Variants in GMDS observed in about 807,000 individuals in gnomAD.
GMDS encodes the protein GDP-mannose 4,6 dehydratase.
A neutral mutation model predicts 49.9 loss-of-function variants in GMDS; 20 were observed. The ratio of observed to expected loss-of-function variants is 0.40; its 90% confidence interval spans 0.28 to 0.58. The LOEUF is 0.58. Among genes scored for constraint, GMDS ranks in the 20% least tolerant of loss-of-function variants. The pLI, the probability that GMDS is intolerant of heterozygous loss-of-function variation, is 0.42. For missense variants in GMDS, 362 were observed against 481.4 expected, an observed-to-expected ratio of 0.75 and a Z score of 2.32; for synonymous variants, 177 against 178.6, an observed-to-expected ratio of 0.99 and a Z score of 0.07.
At chr6:2,141,990 G>A (rs563002406) in intron 1 of GMDS, among the ~76,000 whole-genome samples, 3 of 151,886 alleles carry the variant, frequency 2.0e-5, no homozygotes, top group South Asian at 2.1e-4. Context: ...ACTGGTTGCC[G>A]GCTTATCCAT....
chr6:1,800,378 G>C (rs934408169), intron 7 of GMDS, among the ~76,000 whole-genome samples: 2 of 152,076 alleles, frequency 1.3e-5, no homozygotes, highest in African/African-American at 2.4e-5. Flanking sequence ...TTCTCAGGAG[G>C]GTTAGACATC....
At chr6:1,804,343 A>G (rs1055259493) in intron 7 of GMDS, among the ~76,000 whole-genome samples, 2 of 152,270 alleles carry the variant, frequency 1.3e-5, no homozygotes, top group Non-Finnish European at 2.9e-5. Flanking sequence ...ATTTCCCGTC[A>G]GTCTGAACTC....
At chr6:1,648,692 T>C (rs1299540407) in intron 9 of GMDS, among the ~76,000 whole-genome samples, 1 of 152,254 alleles carries the variant, frequency 6.6e-6, no homozygotes, top group African/African-American at 2.4e-5. Context: ...ATACATTGTC[T>C]AGCTAATTAC....
chr6:2,164,582 C>T (rs140009458), intron 1 of GMDS, among the ~76,000 whole-genome samples: 20 of 152,290 alleles, frequency 1.3e-4, no homozygotes, highest in Middle Eastern at 3.4e-3. Flanking sequence ...ATTTAGGGTT[C>T]GATATCCCCA....
At chr6:1,726,551 T>A in intron 8 of GMDS, 39 bp from the exon 9 acceptor site, 2 of 1,440,384 alleles carry the variant, frequency 1.4e-6, no homozygotes, top group Non-Finnish European at 2.0e-6. Flanking sequence ...TCCTAATTGC[T>A]TGGGAACATT....
At chr6:1,971,520 A>T (rs1033329445) in intron 4 of GMDS, among the ~76,000 whole-genome samples, 11 of 152,220 alleles carry the variant, frequency 7.2e-5, no homozygotes, top group African/African-American at 2.7e-4. Context: ...TGCTCAAGGC[A>T]TATTAAGGTA....
At chr6:1,957,354 T>G (rs1763695854) in intron 6 of GMDS, among the ~76,000 whole-genome samples, 2 of 152,198 alleles carry the variant, frequency 1.3e-5, no homozygotes, top group Admixed American at 1.3e-4. Context: ...GAATTTTCAG[T>G]CTGGGAAAGA....
chr6:1,851,757 C>T (rs1223193065), intron 7 of GMDS, among the ~76,000 whole-genome samples: 1 of 152,120 alleles, frequency 6.6e-6, no homozygotes, highest in Non-Finnish European at 1.5e-5. Context: ...AGCTGGAGTT[C>T]AGAATTGCCC....
intron 9 of GMDS, among the ~76,000 whole-genome samples, chr6:1,643,624 G>C (rs1482621599): frequency 6.6e-6 from 1 of 152,098 alleles, no homozygotes; most frequent in Non-Finnish European, 1.5e-5. Flanking sequence ...AGAGACAGGG[G>C]TGGAGAGGTG....
rs552563802 is a variant in GMDS, at chr6:1,628,047, C to T, written c.988-3507G>A. 1.6e-4 allele frequency among the ~76,000 whole-genome samples: 25 copies of T among 152,322 alleles called. No individual in the cohort carries two copies. The South Asian group carries it at 3.1e-3, about 19-fold the overall frequency. Reference sequence around the variant, plus strand: ...GGACTGTGTGTATTCATTTGACCTTCGGGAGTTGTCCTTTAGCTGTACCAT... The same window carrying T: ...GGACTGTGTGTATTCATTTGACCTTTGGGAGTTGTCCTTTAGCTGTACCAT... On this transcript the variant is annotated intron_variant, in intron 9 of 10. Coordinates refer to ENST00000380815, the MANE Select transcript of GMDS (RefSeq NM_001500.4).
chr6:1,961,426 T>G (rs1763936914), intron 4 of GMDS, among the ~76,000 whole-genome samples: 1 of 152,222 alleles, frequency 6.6e-6, no homozygotes, highest in South Asian at 2.1e-4. Flanking sequence ...TAAAAAGGGT[T>G]GTTTTATTTT....
At chr6:1,630,501 C>A (rs1280938270) in intron 9 of GMDS, among the ~76,000 whole-genome samples, 3 of 152,212 alleles carry the variant, frequency 2.0e-5, no homozygotes, top group Non-Finnish European at 4.4e-5. Context: ...CAGCCCTGTG[C>A]AACTTTGAGG....
intron 1 of GMDS, among the ~76,000 whole-genome samples, chr6:2,164,412 T>G (rs1777558860): frequency 6.6e-6 from 1 of 152,106 alleles, no homozygotes; most frequent in African/African-American, 2.4e-5. Flanking sequence ...TAAAGGTGGG[T>G]CCTGAGTAGA....
chr6:2,161,575 T>A (rs936176817), intron 1 of GMDS, among the ~76,000 whole-genome samples: 6 of 152,192 alleles, frequency 3.9e-5, no homozygotes, highest in Non-Finnish European at 7.4e-5. Flanking sequence ...CTTGAGGATT[T>A]GAAAATTCAT....
intron 4 of GMDS, among the ~76,000 whole-genome samples, chr6:1,976,937 A>G (rs1290583557): frequency 6.6e-6 from 1 of 152,230 alleles, no homozygotes; most frequent in Non-Finnish European, 1.5e-5. Flanking sequence ...ATTCTACTAC[A>G]ACGCAGGTCA....
At chr6:1,805,953 G>A (rs1329687321) in intron 7 of GMDS, among the ~76,000 whole-genome samples, 3 of 152,138 alleles carry the variant, frequency 2.0e-5, no homozygotes, top group African/African-American at 7.2e-5. Flanking sequence ...ATATGAAAAT[G>A]TAGATATATG....
In GMDS at chr6:1,892,844, C is replaced by A. The variant is rs150370088; in HGVS notation, c.771+37259G>T. Among the ~76,000 whole-genome samples the A allele has an allele frequency of 2.3e-3, 347 of 152,356 alleles. 1 individual carries two copies. The highest frequency in any genetic ancestry group is 8.0e-3 in the African/African-American group (333 of 41,594). ...CCTTGGCCTACTGTGACTGGACACG[C>A]ATTCTGACTTGCAGCTGCAGTTTCC... On this transcript the variant is annotated intron_variant, in intron 7 of 10. Transcript: ENST00000380815.
intron 7 of GMDS, among the ~76,000 whole-genome samples, chr6:1,880,006 G>A (rs1322918242): frequency 2.6e-5 from 4 of 152,132 alleles, no homozygotes; most frequent in Middle Eastern, 3.4e-3. Flanking sequence ...ATTATTCAAC[G>A]TATATCTGAG....
intron 1 of GMDS, among the ~76,000 whole-genome samples, chr6:2,213,126 A>T (rs747113092): frequency 4.9e-4 from 75 of 152,208 alleles, no homozygotes; most frequent in Non-Finnish European, 8.4e-4. Flanking sequence ...CTCTGTCCAC[A>T]GTATTAGAAA....
Sources: allele counts gnomAD v4.1 joint callset (sites outside exome capture counted in the v4.1 genomes callset), GRCh38; gene constraint gnomAD v4.1.1; transcripts MANE v1.5; gene names NCBI Gene and HGNC (gene_info 2026-07-23, HGNC 2026-07-21).